PIK3C3: variants seen among roughly 807,000 people sequenced by gnomAD.
PIK3C3 encodes PI3-kinase type 3.
In PIK3C3, 95 loss-of-function variants were observed where a neutral mutation model predicts 126.1. That is an observed-to-expected ratio of 0.75 (90% CI 0.64 to 0.89). The LOEUF (loss-of-function observed/expected upper bound fraction) is 0.89. Ranked by LOEUF, PIK3C3 falls within the 40% of genes least tolerant of loss-of-function variation. PIK3C3 has a pLI of 0.00. For missense variants in PIK3C3, 829 were observed against 1,063.2 expected, an observed-to-expected ratio of 0.78 and a Z score of 3.06; for synonymous variants, 374 against 360.0, an observed-to-expected ratio of 1.04 and a Z score of -0.44.
intron 4 of PIK3C3, 35 bp from the exon 5 acceptor site, chr18:41,987,777 A>G (rs1236579337): frequency 6.4e-6 from 9 of 1,402,700 alleles, no homozygotes; most frequent in African/African-American, 1.4e-5. Context: ...TACTAGATGT[A>G]TATTAAAATT....
intron 12 of PIK3C3, among the ~76,000 whole-genome samples, chr18:42,018,983 C>G (rs1013652139): frequency 3.9e-5 from 6 of 152,082 alleles, no homozygotes; most frequent in African/African-American, 1.4e-4. Context: ...TCTTCCTGCT[C>G]TGCAGTGATT....
intron 24 of PIK3C3, among the ~76,000 whole-genome samples, chr18:42,068,179 A>G (rs1236035378): frequency 6.6e-6 from 1 of 152,164 alleles, no homozygotes; most frequent in Non-Finnish European, 1.5e-5. Flanking sequence ...TCCCTCAGCC[A>G]GTGACCAGTA....
intron 4 of PIK3C3, among the ~76,000 whole-genome samples, chr18:41,978,699 G>A (rs1274659003): frequency 1.3e-5 from 2 of 152,138 alleles, no homozygotes; most frequent in Non-Finnish European, 2.9e-5. Flanking sequence ...GTGCCCTTCA[G>A]CCTAGGAGAG....
Position 42,010,757 on chromosome 18 carries a change from A to G in PIK3C3, c.1171-2685A>G, listed in dbSNP as rs375489006. Among the ~76,000 whole-genome samples the G allele has an allele frequency of 2.2e-3, 337 of 152,314 alleles. 1 individual carries two copies. The highest frequency in any genetic ancestry group is 7.5e-3 in the African/African-American group (311 of 41,578). ...CCCCCATGAAGCTCAAATGTTCTTA[A>G]TGACATCTAGAATGATGAATCCTTT... On this transcript the variant is annotated intron_variant, in intron 10 of 24. Coordinates refer to ENST00000262039, the MANE Select transcript of PIK3C3 (RefSeq NM_002647.4).
rs1292097017 is a variant in PIK3C3 at position 42,067,393 on chromosome 18, G to A, written c.2529G>A (p.Gln843=). Residue 843 remains glutamine (Q), a synonymous_variant, in exon 24 of 25, where the codon CAG becomes CAA. Transcript: ENST00000262039. ...LEPDKTVKKV[Q]DKFRLDLSDE... is the part of the protein sequence containing the mutation. ...CTAAGAGTGTTATCTTATAGGTTCA[G>A]GATAAATTCCGCTTAGACCTGTCGG... The A allele has an allele frequency of 6.2e-7, 1 of 1,613,840 alleles. No individual in the cohort carries two copies. The highest frequency in any genetic ancestry group is 2.2e-5 in the East Asian group (1 of 44,872).
intron 11 of PIK3C3, 29 bp from the exon 12 acceptor site, chr18:42,015,447 C>G: frequency 1.3e-6 from 2 of 1,535,474 alleles, no homozygotes; most frequent in South Asian, 1.1e-5. Context: ...TATTTTACAT[C>G]TCAGTGATCT....
At chr18:42,074,609 A>G (rs375748398) in intron 24 of PIK3C3, among the ~76,000 whole-genome samples, 73 of 152,294 alleles carry the variant, frequency 4.8e-4, no homozygotes, top group African/African-American at 1.7e-3. Flanking sequence ...AAAACAAACT[A>G]TTGCAGGTTT....
chr18:42,038,493 C>T (rs910211391), intron 17 of PIK3C3, among the ~76,000 whole-genome samples: 2 of 151,990 alleles, frequency 1.3e-5, no homozygotes, highest in East Asian at 1.9e-4. Flanking sequence ...AGGCATGCAC[C>T]ACCACGCCCA....
intron 22 of PIK3C3, chr18:42,059,829 ATG>A (rs1985238431): frequency 6.7e-6 from 1 of 148,638 alleles, no homozygotes; most frequent in African/African-American, 2.5e-5. Context: ...GTGCAGTGGC[ATG>A]ACCATGGTTC....
intron 20 of PIK3C3, among the ~76,000 whole-genome samples, chr18:42,044,918 A>C (rs1302785752): frequency 7.2e-5 from 11 of 152,202 alleles, no homozygotes; most frequent in Admixed American, 1.3e-4. Flanking sequence ...CTTTCTAGTT[A>C]GTTGTTAAGA....
intron 13 of PIK3C3, among the ~76,000 whole-genome samples, chr18:42,024,952 C>T (rs1426169050): frequency 6.6e-6 from 1 of 151,766 alleles, no homozygotes; most frequent in South Asian, 2.1e-4. Flanking sequence ...TACAGGCACC[C>T]GCCACTGTGC....
chr18:42,014,207 CAAAAAAA>C (rs58086258), intron 11 of PIK3C3, among the ~76,000 whole-genome samples: 270 of 40,980 alleles, frequency 6.6e-3, no homozygotes, highest in Non-Finnish European at 0.011. Flanking sequence ...GACTCCGTCT[CAAAAAAA>C]AAAAAAAAAA....
intron 4 of PIK3C3, among the ~76,000 whole-genome samples, chr18:41,973,001 T>C (rs962180672): frequency 2.0e-5 from 3 of 152,080 alleles, no homozygotes; most frequent in African/African-American, 7.2e-5. Flanking sequence ...TTCTGCTAAC[T>C]TGGGGAAAAT....
At chr18:42,050,575 C>T (rs966698376) in intron 21 of PIK3C3, 5 of 152,238 alleles carry the variant, frequency 3.3e-5, no homozygotes, top group Non-Finnish European at 5.9e-5. Context: ...GTTGTTCAAG[C>T]TCTAGACCTC....
intron 10 of PIK3C3, among the ~76,000 whole-genome samples, chr18:42,005,878 C>T (rs1003470125): frequency 1.3e-5 from 2 of 151,028 alleles, no homozygotes; most frequent in Non-Finnish European, 2.9e-5. Context: ...CAATTTATAA[C>T]CAATCTTGTT....
intron 24 of PIK3C3, among the ~76,000 whole-genome samples, chr18:42,071,066 A>T (rs1383530869): frequency 3.9e-5 from 6 of 152,214 alleles, no homozygotes; most frequent in Non-Finnish European, 8.8e-5. Context: ...TGGTTGTTAC[A>T]GGCTCTTTTG....
At chr18:42,049,822 A>C (rs1169575095) in intron 21 of PIK3C3, 1 of 369,764 alleles carries the variant, frequency 2.7e-6, no homozygotes, top group Non-Finnish European at 5.1e-6. Context: ...AAACACACAA[A>C]ATTTGCCGGG....
At chr18:42,006,350 T>C (rs1982541391) in intron 10 of PIK3C3, among the ~76,000 whole-genome samples, 1 of 152,128 alleles carries the variant, frequency 6.6e-6, no homozygotes, top group Admixed American at 6.6e-5. Flanking sequence ...TGTGCTTTTC[T>C]GAGAAAAGCA....
chr18:41,995,398 A>C (rs1981977999), intron 7 of PIK3C3, among the ~76,000 whole-genome samples: 1 of 152,192 alleles, frequency 6.6e-6, no homozygotes, highest in Non-Finnish European at 1.5e-5. Context: ...GTTAAAACTA[A>C]TAATTTTGTC....
Sources: allele counts gnomAD v4.1 joint callset (sites outside exome capture counted in the v4.1 genomes callset), GRCh38; gene constraint gnomAD v4.1.1; transcripts MANE v1.5; gene names NCBI Gene and HGNC (gene_info 2026-07-23, HGNC 2026-07-21).